The following CCNJL variants were observed in gnomAD, a reference collection of about 807,000 sequenced individuals.
CCNJL encodes cyclin J like.
Under a neutral mutation model 33.4 loss-of-function variants are expected in CCNJL, and 33 were observed. That is an observed-to-expected ratio of 0.99 (90% CI 0.75 to 1.32). CCNJL has a LOEUF of 1.32. Ranked by LOEUF, CCNJL falls within the 40% of genes most tolerant of loss-of-function variation. The probability of loss-of-function intolerance (pLI) is 0.00; values close to 1 mark genes in which losing one functional copy is unlikely to be tolerated. For synonymous variants in CCNJL, 227 were observed against 220.9 expected (o/e 1.03, Z -0.24); for missense variants, 512 against 499.7 (o/e 1.02, Z -0.23).
At position 160,298,089 on chromosome 5, in the gene CCNJL, C is replaced by A. The variant is rs966448671; in HGVS notation, c.66+13769G>T. On this transcript the variant is annotated intron_variant, in intron 2 of 5. Coordinates refer to ENST00000257536, the MANE Select transcript of CCNJL (RefSeq NM_001308173.3). ...ACAGCAGATCCGCAAAATATTAAGG[C>A]TTTAACTACCTTGCTTAAAAGGGGG... Among the ~76,000 whole-genome samples, 3 of 152,204 alleles carry A rather than the reference C, an allele frequency of 2.0e-5. No homozygotes were observed. In the East Asian group the frequency reaches 5.8e-4, roughly 29 times the overall value.
chr5:160,292,636 T>C (rs1762622460), intron 2 of CCNJL, among the ~76,000 whole-genome samples: 1 of 151,860 alleles, frequency 6.6e-6, no homozygotes, highest in Non-Finnish European at 1.5e-5. Flanking sequence ...TATGTATATG[T>C]GTGTGTGTAT....
chr5:160,321,496 C>T (rs535639535), intron 1 of CCNJL, among the ~76,000 whole-genome samples: 1 of 152,296 alleles, frequency 6.6e-6, no homozygotes, highest in African/African-American at 2.4e-5. Flanking sequence ...GCTGCAAAGA[C>T]CCAAAGTTCA....
upstream of CCNJL, among the ~76,000 whole-genome samples, chr5:160,313,820 A>G (rs1763342930): frequency 6.6e-6 from 1 of 152,224 alleles, no homozygotes; most frequent in African/African-American, 2.4e-5. Flanking sequence ...CATGTTTTCT[A>G]ACCTTCAAAT....
chr5:160,265,565 G>A (rs935850499), intron 3 of CCNJL, among the ~76,000 whole-genome samples: 1 of 151,994 alleles, frequency 6.6e-6, no homozygotes, highest in African/African-American at 2.4e-5. Context: ...AACCTGGGCA[G>A]CGAAGGTTGC....
intron 1 of CCNJL, among the ~76,000 whole-genome samples, chr5:160,322,861 C>T (rs1236769763): frequency 1.3e-5 from 2 of 151,138 alleles, no homozygotes; most frequent in Non-Finnish European, 2.9e-5. Context: ...CGCAGTGAGC[C>T]GAGATTGCGC....
rs771694734 is a variant in CCNJL at position 160,259,717 on chromosome 5, G to A, written c.335C>T (p.Thr112Met). ...GAAGTTCTGGCTGCTCAGGATCCTC[G>A]TGCTGTTTATTTGCTCCAACTTGGG... ...HVPKLEQINSTRILSSQNFTL... is the reference protein window; with the variant it reads ...HVPKLEQINSMRILSSQNFTL... The change falls in exon 4 of 6, where the codon ACG (threonine) becomes ATG (methionine). Residue 112 changes from threonine to methionine, a missense_variant. Thr to Met is a moderately conservative substitution (Grantham distance 81, BLOSUM62 -1). Coordinates refer to ENST00000257536, the MANE Select transcript of CCNJL (RefSeq NM_001308173.3). 3 of 1,613,888 alleles carry A rather than the reference G, an allele frequency of 1.9e-6. No individual in the cohort carries two copies. The highest frequency in any genetic ancestry group is 1.3e-5 in the African/African-American group (1 of 74,914).
rs1371701049 is a variant in CCNJL at position 160,321,008 on chromosome 5, CTCTCTCTTTCTT to C, written n.207-5515_207-5504del. On this transcript the variant is annotated intron_variant and non_coding_transcript_variant, in intron 1 of 7. Coordinates refer to the CCNJL transcript ENST00000377503. ...TCTCTTTCTTTCTTTCTCTCTCTCTCTCTCTCTTTCTTTCTTTCTTTCTTTCTTTCTTTCTTT... is the reference window on the plus strand; with the variant it reads ...TCTCTTTCTTTCTTTCTCTCTCTCTCTCTTTCTTTCTTTCTTTCTTTCTTT... Among the ~76,000 whole-genome samples the C allele has an allele frequency of 3.7e-3, 369 of 99,968 alleles. 1 individual carries two copies. The highest frequency in any genetic ancestry group is 4.6e-3 in the Non-Finnish European group (249 of 54,558). The allele number at this position is 99,968 out of a possible 152,430, so 65.6% of individuals were successfully genotyped here.
At chr5:160,337,003 CTTTTTTTTTTT>C (rs35461944) in intron 1 of CCNJL, among the ~76,000 whole-genome samples, 2 of 95,062 alleles carry the variant, frequency 2.1e-5, no homozygotes, top group Non-Finnish European at 4.0e-5. Flanking sequence ...CTTTTTCTTT[CTTTTTTTTTTT>C]TTTTTTTTTG....
intron 1 of CCNJL, among the ~76,000 whole-genome samples, chr5:160,338,560 G>C (rs1441921618): frequency 6.6e-6 from 1 of 152,204 alleles, no homozygotes; most frequent in Non-Finnish European, 1.5e-5. Context: ...ACAGAATTAA[G>C]AAAGAGAAGG....
intron 3 of CCNJL, among the ~76,000 whole-genome samples, chr5:160,268,009 C>T (rs1256924486): frequency 2.0e-5 from 3 of 152,226 alleles, no homozygotes; most frequent in South Asian, 2.1e-4. Flanking sequence ...GAGTGGCTCT[C>T]TAACAGGAAA....
intron 2 of CCNJL, among the ~76,000 whole-genome samples, chr5:160,298,499 A>G (rs1266261500): frequency 1.3e-5 from 2 of 152,210 alleles, no homozygotes; most frequent in East Asian, 3.8e-4. Context: ...CTCTGCTGAG[A>G]GCTGGAGAGA....
At chr5:160,313,289 TG>T (rs1448376802), upstream of CCNJL, among the ~76,000 whole-genome samples, 3 of 152,258 alleles carry the variant, frequency 2.0e-5, no homozygotes, top group Non-Finnish European at 4.4e-5. Flanking sequence ...GATTGATTTT[TG>T]TGATAGTTTT....
At chr5:160,290,695 C>T (rs758907593) in intron 2 of CCNJL, among the ~76,000 whole-genome samples, 22 of 152,098 alleles carry the variant, frequency 1.4e-4, no homozygotes, top group Non-Finnish European at 2.8e-4. Context: ...CTGTAACCAC[C>T]ATGAGGGCAC....
intron 2 of CCNJL, among the ~76,000 whole-genome samples, chr5:160,283,330 CA>C (rs1441667549): frequency 6.6e-6 from 1 of 151,824 alleles, no homozygotes; most frequent in Non-Finnish European, 1.5e-5. Context: ...TAGTGGTTGC[CA>C]GAGGTTAGGG....
At chr5:160,294,258 C>T (rs182090289) in intron 2 of CCNJL, among the ~76,000 whole-genome samples, 160 of 152,306 alleles carry the variant, frequency 1.1e-3, no homozygotes, top group African/African-American at 2.9e-3. Context: ...AAGCATTTTC[C>T]GTAAAGCATC....
intron 1 of CCNJL, among the ~76,000 whole-genome samples, chr5:160,330,645 T>TA (rs1264096853): frequency 1.3e-5 from 2 of 150,570 alleles, no homozygotes; most frequent in Non-Finnish European, 3.0e-5. Context: ...TCACTCTCTC[T>TA]AACACTGCTC....
chr5:160,332,838 C>T (rs1251143421), intron 1 of CCNJL, among the ~76,000 whole-genome samples: 3 of 151,876 alleles, frequency 2.0e-5, no homozygotes, highest in Non-Finnish European at 4.4e-5. Context: ...ACATATTTGG[C>T]TTTTAAAATC....
At chr5:160,290,360 G>A (rs565492673) in intron 2 of CCNJL, among the ~76,000 whole-genome samples, 46 of 151,778 alleles carry the variant, frequency 3.0e-4, no homozygotes, top group Non-Finnish European at 5.6e-4. Flanking sequence ...CCGCCTTCTA[G>A]GTTCAAGAGA....
At chr5:160,283,870 T>C (rs1367356273) in intron 2 of CCNJL, among the ~76,000 whole-genome samples, 1 of 152,112 alleles carries the variant, frequency 6.6e-6, no homozygotes, top group Non-Finnish European at 1.5e-5. Context: ...TGAGAACATG[T>C]GAAGTTTGTC....
Sources: gnomAD v4.1 joint callset for allele counts (sites outside exome capture counted in the v4.1 genomes callset) on GRCh38, gnomAD v4.1.1 for gene constraint, MANE v1.5 for transcripts, NCBI Gene and HGNC (gene_info 2026-07-23, HGNC 2026-07-21) for gene names.